The following CNTN5 variants were observed in gnomAD, a reference collection of about 807,000 sequenced individuals.
CNTN5 encodes contactin-5.
In CNTN5, 77 loss-of-function variants were observed where a neutral mutation model predicts 129.1. The observed-to-expected ratio is 0.60, with a 90% CI of 0.50 to 0.72. CNTN5 has a LOEUF of 0.72. Ranked by LOEUF, CNTN5 falls within the 30% of genes least tolerant of loss-of-function variation. CNTN5 has a pLI of 0.00. For missense variants in CNTN5, 1,478 were observed against 1,328.8 expected, an observed-to-expected ratio of 1.11 and a Z score of -1.75; for synonymous variants, 509 against 465.6, an observed-to-expected ratio of 1.09 and a Z score of -1.20.
intron 15 of CNTN5, among the ~76,000 whole-genome samples, chr11:100,194,188 G>A (rs1289850358): frequency 6.6e-6 from 1 of 151,572 alleles, no homozygotes. Flanking sequence ...CTTTTATATT[G>A]TGTACCTACA....
intron 13 of CNTN5, among the ~76,000 whole-genome samples, chr11:100,145,376 C>T (rs1946817508): frequency 6.6e-6 from 1 of 152,086 alleles, no homozygotes. Flanking sequence ...AGACCTCTAA[C>T]CCATTTGCTG....
At chr11:99,674,973 T>G (rs2135956788) in intron 3 of CNTN5, among the ~76,000 whole-genome samples, 1 of 151,752 alleles carries the variant, frequency 6.6e-6, no homozygotes, top group Non-Finnish European at 1.5e-5. Context: ...CCTTCTTGAT[T>G]ATTCCCAAAT....
At chr11:99,194,327 C>T (rs1858794066) in intron 1 of CNTN5, among the ~76,000 whole-genome samples, 1 of 151,670 alleles carries the variant, frequency 6.6e-6, no homozygotes, top group Non-Finnish European at 1.5e-5. Context: ...GACATTAGAC[C>T]ACAAAGATGA....
At chr11:99,099,549 TACAC>T (rs57981357) in intron 1 of CNTN5, among the ~76,000 whole-genome samples, 47,054 of 149,462 alleles carry the variant, frequency 0.31, 7,317 homozygotes, top group Middle Eastern at 0.35. Flanking sequence ...ATAATGTGTA[TACAC>T]ACACACACAC....
At chr11:99,421,011 A>G (rs1942864257) in intron 2 of CNTN5, among the ~76,000 whole-genome samples, 1 of 152,056 alleles carries the variant, frequency 6.6e-6, no homozygotes, top group Non-Finnish European at 1.5e-5. Context: ...ATTCTTTCCT[A>G]GCTCTCTTCC....
At chr11:99,952,518 C>T (rs79365783) in intron 7 of CNTN5, among the ~76,000 whole-genome samples, 6,139 of 151,992 alleles carry the variant, frequency 0.04, 157 homozygotes, top group Middle Eastern at 0.078. Context: ...ATTTAAAAAA[C>T]AAACTAAAAG....
chr11:100,310,956 G>A (rs1172362703), intron 21 of CNTN5, among the ~76,000 whole-genome samples: 1 of 151,866 alleles, frequency 6.6e-6, no homozygotes, highest in Non-Finnish European at 1.5e-5. Context: ...TGGGGCCTTA[G>A]GAACCATAGA....
At chr11:99,782,949 A>G (rs1945367429) in intron 3 of CNTN5, among the ~76,000 whole-genome samples, 1 of 151,790 alleles carries the variant, frequency 6.6e-6, no homozygotes, top group Non-Finnish European at 1.5e-5. Context: ...CACCAAAAGC[A>G]ATGGCAACAA....
intron 13 of CNTN5, among the ~76,000 whole-genome samples, chr11:100,134,199 T>A (rs1702475408): frequency 6.6e-6 from 1 of 152,140 alleles, no homozygotes; most frequent in Non-Finnish European, 1.5e-5. Context: ...AAAATAAACT[T>A]ATTGAGCATG....
intron 4 of CNTN5, among the ~76,000 whole-genome samples, chr11:99,841,893 T>C (rs1947514643): frequency 8.7e-6 from 1 of 114,834 alleles, no homozygotes. Context: ...TACATATATA[T>C]ATATTTTTTT....
intron 17 of CNTN5, among the ~76,000 whole-genome samples, chr11:100,260,935 G>A (rs1950182067): frequency 2.0e-5 from 3 of 152,180 alleles, no homozygotes; most frequent in South Asian, 4.1e-4. Flanking sequence ...AGTATCGGAA[G>A]TTTTGGCCAG....
intron 3 of CNTN5, among the ~76,000 whole-genome samples, chr11:99,756,272 C>A (rs571885344): frequency 6.6e-6 from 1 of 152,020 alleles, no homozygotes. Context: ...AGAAAAGTTA[C>A]GATCAATTAT....
chr11:99,356,933 G>T (rs1232384343), intron 2 of CNTN5, among the ~76,000 whole-genome samples: 1 of 133,194 alleles, frequency 7.5e-6, no homozygotes, highest in African/African-American at 2.8e-5. Context: ...ACTTAAATCA[G>T]TGAAAAACAT....
intron 13 of CNTN5, among the ~76,000 whole-genome samples, chr11:100,126,705 AG>A (rs1475729924): frequency 1.3e-5 from 2 of 151,034 alleles, no homozygotes. Flanking sequence ...TTGAAGACAG[AG>A]GAAAAATGGG....
At chr11:99,093,876 C>T (rs895250424) in intron 1 of CNTN5, among the ~76,000 whole-genome samples, 1 of 151,980 alleles carries the variant, frequency 6.6e-6, no homozygotes, top group Non-Finnish European at 1.5e-5. Context: ...AAATCTCTGA[C>T]TTTCAAATTA....
At chr11:99,219,269 A>G (rs1358335061) in intron 1 of CNTN5, among the ~76,000 whole-genome samples, 2 of 151,968 alleles carry the variant, frequency 1.3e-5, no homozygotes, top group African/African-American at 2.4e-5. Flanking sequence ...CATACTAAAT[A>G]TTAAATAGTA....
chr11:99,714,754 C>T (rs2134982933), intron 3 of CNTN5, among the ~76,000 whole-genome samples: 1 of 151,716 alleles, frequency 6.6e-6, no homozygotes, highest in Non-Finnish European at 1.5e-5. Context: ...CCATATTCTG[C>T]CTAATTGAAA....
At chr11:99,185,437 A>G (rs1351623613) in intron 1 of CNTN5, among the ~76,000 whole-genome samples, 1 of 151,954 alleles carries the variant, frequency 6.6e-6, no homozygotes, top group Non-Finnish European at 1.5e-5. Flanking sequence ...TGATTACTAA[A>G]ATAGACTAAT....
Position 99,078,958 on chromosome 11 carries a change from T to A in CNTN5, c.-210+57688T>A, listed in dbSNP as rs118004633. Among the ~76,000 whole-genome samples, 840 of 152,254 alleles carry A rather than the reference T, an allele frequency of 5.5e-3. 1 individual carries two copies. Among genetic ancestry groups the A allele is most frequent in the Non-Finnish European group, 9.2e-3 (624 of 68,006 alleles). ...TAAAAGAGTATAAGTGGAATGTCCA[T>A]AGCACAAAAAATGACAAATACTTGA... On this transcript the variant is annotated intron_variant, in intron 1 of 24. Transcript: ENST00000524871.
Sources: gnomAD v4.1 joint callset for allele counts (sites outside exome capture counted in the v4.1 genomes callset) on GRCh38, gnomAD v4.1.1 for gene constraint, MANE v1.5 for transcripts, NCBI Gene and HGNC (gene_info 2026-07-23, HGNC 2026-07-21) for gene names.